The following NANOS3 variants were observed in gnomAD, a reference collection of about 807,000 sequenced individuals.
NANOS3 encodes nanos homolog 3.
In NANOS3, 11 loss-of-function variants were observed where a neutral mutation model predicts 13.8. The ratio of observed to expected loss-of-function variants is 0.80; its 90% CI spans 0.50 to 1.32. The LOEUF (loss-of-function observed/expected upper bound fraction) is 1.32, where lower values mean the gene tolerates loss of function less well. NANOS3 is among the 40% of genes most tolerant of loss of function. The probability of loss-of-function intolerance (pLI) is 0.00; values close to 1 mark genes in which losing one functional copy is unlikely to be tolerated. For missense variants in NANOS3, 221 were observed against 263.8 expected (o/e 0.84, Z 1.12); for synonymous variants, 119 against 115.4 (o/e 1.03, Z -0.20).
chr19:13,867,387 C>T (rs908964622), intron 1 of NANOS3, among the ~76,000 whole-genome samples: 5 of 152,060 alleles, frequency 3.3e-5, no homozygotes, highest in African/African-American at 1.2e-4. Flanking sequence ...ACCTCAGCTT[C>T]CCGAGTAGCT....
intron 1 of NANOS3, among the ~76,000 whole-genome samples, chr19:13,866,056 G>A (rs1348153759): frequency 6.6e-6 from 1 of 152,056 alleles, no homozygotes; most frequent in East Asian, 1.9e-4. Context: ...CGCCACCTCC[G>A]GAAGCCCTGG....
At chr19:13,874,573 G>A (rs1968470679), upstream of NANOS3, 1 of 382,612 alleles carries the variant, frequency 2.6e-6, no homozygotes, top group East Asian at 7.3e-5. Flanking sequence ...CCAGATCTAG[G>A]TGCAAACAGC....
intron 1 of NANOS3, among the ~76,000 whole-genome samples, chr19:13,867,730 C>T (rs1976263938): frequency 6.6e-6 from 1 of 151,988 alleles, no homozygotes; most frequent in Non-Finnish European, 1.5e-5. Flanking sequence ...CACATACAGA[C>T]CACCCCCGCC....
intron 1 of NANOS3, among the ~76,000 whole-genome samples, chr19:13,869,134 A>G (rs1976286139): frequency 6.6e-6 from 1 of 152,162 alleles, no homozygotes; most frequent in Non-Finnish European, 1.5e-5. Flanking sequence ...ACCCAGCACC[A>G]TAAGCCTCAG....
upstream of NANOS3, among the ~76,000 whole-genome samples, chr19:13,876,061 C>T (rs1299943994): frequency 6.6e-6 from 1 of 152,166 alleles, no homozygotes; most frequent in African/African-American, 2.4e-5. Flanking sequence ...CTGCAGCCCC[C>T]GCCAGGAAAG....
At chr19:13,878,082 C>T (rs1054187539) in intron 1 of NANOS3, among the ~76,000 whole-genome samples, 5 of 151,860 alleles carry the variant, frequency 3.3e-5, no homozygotes, top group South Asian at 2.1e-4. Context: ...CTAATTGCCA[C>T]CATGCCCGGC....
intron 1 of NANOS3, among the ~76,000 whole-genome samples, chr19:13,865,835 G>A (rs1174829792): frequency 1.3e-5 from 2 of 150,952 alleles, no homozygotes; most frequent in Non-Finnish European, 3.0e-5. Context: ...CGCGCGGGGA[G>A]GCCACGGGCC....
In NANOS3 at chr19:13,866,213, C is replaced by T. The variant is rs571044126; in HGVS notation, n.21+776C>T. Among the ~76,000 whole-genome samples, 286 of 152,258 alleles carry T rather than the reference C, an allele frequency of 1.9e-3. 2 individuals are homozygous for T. Among genetic ancestry groups the T allele is most frequent in the Non-Finnish European group, 3.2e-3 (219 of 67,996 alleles). On this transcript the variant is annotated intron_variant and non_coding_transcript_variant, in intron 1 of 2. Transcript: ENST00000591161. ...GCCCCGAATCCCACTGCCGGGGAGC[C>T]CTTTTAAAGCTACAGGGCGCCTTTC...
At chr19:13,867,237 G>C (rs1042432228) in intron 1 of NANOS3, among the ~76,000 whole-genome samples, 1 of 151,978 alleles carries the variant, frequency 6.6e-6, no homozygotes, top group Non-Finnish European at 1.5e-5. Context: ...CGCCGCACCC[G>C]GCCACAGTTT....
upstream of NANOS3, among the ~76,000 whole-genome samples, chr19:13,876,310 G>T (rs1202506678): frequency 2.9e-5 from 2 of 67,834 alleles, no homozygotes; most frequent in African/African-American, 2.5e-4. Context: ...AGCTAATTTT[G>T]TGTGTGTGTG....
In NANOS3 at chr19:13,877,762, GCAGGTGCCTGCA is replaced by G; in HGVS notation, c.517+4_517+15del. 6.4e-7 allele frequency: 1 copy of G among 1,555,978 alleles called. No homozygotes were observed. The highest frequency in any genetic ancestry group is 8.7e-7 in the Non-Finnish European group (1 of 1,153,860). On this transcript the variant is annotated splice_donor_variant and splice_donor_5th_base_variant and coding_sequence_variant and intron_variant, in exon 1 of 2. Transcript: ENST00000339133. LOFTEE classifies it high-confidence loss of function. Reference sequence around the variant, plus strand: ...CCACCGCCGAGGAGGAGGAGGAGGAGCAGGTGCCTGCACAGGTGGCTGGGGGGGACCTGTCCG... The same window carrying G: ...CCACCGCCGAGGAGGAGGAGGAGGAGCAGGTGGCTGGGGGGGACCTGTCCG...
chr19:13,862,547 CT>C (rs1212274436), upstream of NANOS3, among the ~76,000 whole-genome samples: 1 of 149,256 alleles, frequency 6.7e-6, no homozygotes, highest in Non-Finnish European at 1.5e-5. Flanking sequence ...TTTCTTTTTT[CT>C]TTTTTTTTGA....
intron 1 of NANOS3, among the ~76,000 whole-genome samples, chr19:13,865,975 C>T (rs1183369310): frequency 2.0e-5 from 3 of 152,062 alleles, no homozygotes; most frequent in East Asian, 3.9e-4. Flanking sequence ...CATGGGCGCT[C>T]GGGCCTGCGG....
At chr19:13,873,325 C>T (rs1303317890), upstream of NANOS3, among the ~76,000 whole-genome samples, 1 of 149,210 alleles carries the variant, frequency 6.7e-6, no homozygotes, top group African/African-American at 2.5e-5. Flanking sequence ...GGCCGGGTTC[C>T]GTTGCCACCA....
At chr19:13,876,308 TTGTG>T (rs111824565), upstream of NANOS3, among the ~76,000 whole-genome samples, 4,690 of 149,160 alleles carry the variant, frequency 0.031, 248 homozygotes, top group African/African-American at 0.11. Context: ...CCAGCTAATT[TTGTG>T]TGTGTGTGTG....
rs188347778 is a variant in NANOS3 at position 13,871,463 on chromosome 19, T to C, written n.21+6026T>C. Among the ~76,000 whole-genome samples, 148 of 152,304 alleles carry C rather than the reference T, an allele frequency of 9.7e-4. No individual in the cohort carries two copies. In the East Asian group the frequency reaches 0.023, roughly 24 times the overall value. ...CAGGATTGGGGCTGCCGGCCTCCTG[T>C]CGCCCCAGCCCCAGCTTCCTGGCCT... On this transcript the variant is annotated intron_variant and non_coding_transcript_variant, in intron 1 of 2. Coordinates refer to the NANOS3 transcript ENST00000591161.
Position 13,870,484 on chromosome 19 carries a change from C to T in NANOS3, n.21+5047C>T, listed in dbSNP as rs116345952. ...CTTCTCACCTCCGACTCTGATCCCC[C>T]GACTTGTGCCAGCTGCCCTGCACCT... On this transcript the variant is annotated intron_variant and non_coding_transcript_variant, in intron 1 of 2. Coordinates refer to the NANOS3 transcript ENST00000591161. Among the ~76,000 whole-genome samples, 1,019 of 151,932 alleles carry T rather than the reference C, an allele frequency of 6.7e-3. 11 individuals carry two copies. Among genetic ancestry groups the T allele is most frequent in the African/African-American group, 0.023 (952 of 41,388 alleles).
chr19:13,877,763 C>G lies in NANOS3; in HGVS notation c.515C>G (p.Ala172Gly), dbSNP rs1295851885. The G allele has an allele frequency of 1.3e-6, 2 of 1,552,378 alleles. No individual in the cohort carries two copies. Among genetic ancestry groups the G allele is most frequent in the Non-Finnish European group, 1.7e-6 (2 of 1,153,326 alleles). ...CACCGCCGAGGAGGAGGAGGAGGAGCAGGTGCCTGCACAGGTGGCTGGGGG... is the reference window on the plus strand; with the variant it reads ...CACCGCCGAGGAGGAGGAGGAGGAGGAGGTGCCTGCACAGGTGGCTGGGGG... ...TGHRRGGGGG[A>G]GFRGAGKSEP... Residue 172 changes from alanine (A) to glycine (G), a missense_variant and splice_region_variant, in exon 1 of 2, where the codon GCA (alanine) becomes GGA (glycine). This residue lies in a region of NANOS3 where 60 missense variants were observed against 56.5 expected (regional missense o/e 1.06). Coordinates refer to ENST00000339133, the MANE Select transcript of NANOS3 (RefSeq NM_001098622.3).
In NANOS3 at chr19:13,877,317, A is replaced by G. The variant is rs755854132; in HGVS notation, c.69A>G (p.Lys23=). ...ACCTGGTTAGGGCTCTGAGTGGGAA[A>G]GAGGGTCCTGAAACCAGGCTGAGCC... ...LAHLVRALSG[K]EGPETRLSPQ... Residue 23 remains lysine (K), a synonymous_variant, in exon 1 of 2, where the codon AAA becomes AAG. Transcript: ENST00000339133. 3 of 1,613,116 alleles carry G rather than the reference A, an allele frequency of 1.9e-6. No individual in the cohort carries two copies. The highest frequency in any genetic ancestry group is 1.7e-5 in the Admixed American group (1 of 60,024).
Sources: gnomAD v4.1 joint callset for allele counts (sites outside exome capture counted in the v4.1 genomes callset) on GRCh38, gnomAD v4.1.1 for gene constraint, gnomAD v4.1.1 regional missense constraint, MANE v1.5 for transcripts, NCBI Gene and HGNC (gene_info 2026-07-23, HGNC 2026-07-21) for gene names.